The following MED25 variants were observed in gnomAD, a reference collection of about 807,000 sequenced individuals.
MED25 encodes the protein mediator of RNA polymerase II transcription subunit 25.
In MED25, 62 loss-of-function variants were observed where a neutral mutation model predicts 89.4. That is an observed-to-expected ratio of 0.69 (90% CI 0.57 to 0.86). MED25 has a LOEUF of 0.86. Among genes scored for constraint, MED25 ranks in the 40% least tolerant of loss-of-function variants. MED25 has a pLI of 0.00. For missense variants in MED25, 905 were observed against 1,005.2 expected (o/e 0.90, Z 1.35); for synonymous variants, 449 against 427.9 (o/e 1.05, Z -0.61).
chr19:49,836,412 G>C lies in MED25; in HGVS notation c.2146+6G>C. ...CCCTCGGGCTCCACTGCCAGGTAAGGGGACCCGGGGGAGGGCAGAGGTCTG... is the reference window on the plus strand; with the variant it reads ...CCCTCGGGCTCCACTGCCAGGTAAGCGGACCCGGGGGAGGGCAGAGGTCTG... On this transcript the variant is annotated splice_donor_region_variant and intron_variant, in intron 17 of 17. Transcript: ENST00000312865. This position sits in a 1 kb window ranked among gnomAD's most constrained non-coding sequence, Gnocchi z 5.1. 1 of 1,580,326 alleles carries C rather than the reference G, an allele frequency of 6.3e-7. No individual in the cohort carries two copies. Among genetic ancestry groups the C allele is most frequent in the South Asian group, 1.1e-5 (1 of 87,038 alleles).
In MED25 at chr19:49,819,218, G is replaced by A. The variant is rs145249948; in HGVS notation, c.227G>A (p.Cys76Tyr). The A allele has an allele frequency of 5.6e-6, 9 of 1,614,116 alleles. No individual in the cohort carries two copies. Among genetic ancestry groups the A allele is most frequent in the East Asian group, 2.2e-5 (1 of 44,900 alleles). The change falls in exon 3 of 18, where the codon TGC (cysteine) becomes TAC (tyrosine). Residue 76 changes from cysteine (C) to tyrosine (Y), a missense_variant. Cys to Tyr is a radical substitution (Grantham distance 194). Around this residue, in one of 3 missense-constraint regions of MED25, gnomAD observed 501 missense variants for 526.9 expected, o/e 0.95. Transcript: ENST00000312865. ...YSLVVFNTVD[C>Y]APESYVQCHA... ...CTCGTGGTGTTCAACACAGTGGACTGCGCTCCCGAGTCCTACGTACAATGT... is the reference window on the plus strand; with the variant it reads ...CTCGTGGTGTTCAACACAGTGGACTACGCTCCCGAGTCCTACGTACAATGT...
chr19:49,828,144 G>T (rs888086205), intron 3 of MED25, among the ~76,000 whole-genome samples: 2 of 151,876 alleles, frequency 1.3e-5, no homozygotes, highest in Admixed American at 6.6e-5. Context: ...CAGGAGAATG[G>T]CATGAACCCA....
Position 49,836,971 on chromosome 19 carries a change from T to C in MED25, c.*27T>C. ...TCCCCAACACCCAATAAAGTTCCTT[T>C]TTAACACACGCCCCGGCTCCCGTCA... On this transcript the variant is annotated 3_prime_UTR_variant, in exon 18 of 18. Transcript: ENST00000312865. The surrounding 1 kb of genome is among the most constrained non-coding windows in gnomAD (Gnocchi z 5.1). 6.4e-7 allele frequency: 1 copy of C among 1,568,012 alleles called. No individual in the cohort carries two copies. The highest frequency in any genetic ancestry group is 8.8e-7 in the Non-Finnish European group (1 of 1,142,506).
At chr19:49,819,053 G>T (rs1248353952) in intron 2 of MED25, 119 bp from the exon 3 acceptor site, 2 of 1,259,430 alleles carry the variant, frequency 1.6e-6, no homozygotes, top group Non-Finnish European at 2.3e-6. Context: ...GTCTGAGGAA[G>T]GAGGAAGCTG....
In MED25 at chr19:49,828,494, A is replaced by G. The variant is rs1028567280; in HGVS notation, c.351A>G (p.Gly117=). The G allele has an allele frequency of 4.3e-6, 7 of 1,613,994 alleles. No individual in the cohort carries two copies. The African/African-American group carries it at 9.3e-5, about 22-fold the overall frequency. Reference sequence around the variant, plus strand: ...AGAGCTGCAGCCTCATCGCGGAAGGACTCAGCACAGCCTTGCAGCTGTTTG... The same window carrying G: ...AGAGCTGCAGCCTCATCGCGGAAGGGCTCAGCACAGCCTTGCAGCTGTTTG... ...GGESCSLIAE[G]LSTALQLFDD... The change falls in exon 4 of 18, where the codon GGA becomes GGG. Residue 117 remains glycine (G), a synonymous_variant. Transcript: ENST00000312865.
chr19:49,832,416 G>A lies in MED25; in HGVS notation c.1482+1G>A. 1.3e-6 allele frequency: 2 copies of A among 1,556,642 alleles called. No homozygotes were observed. The highest frequency in any genetic ancestry group is 1.8e-6 in the Non-Finnish European group (2 of 1,130,280). On this transcript the variant is annotated splice_donor_variant, in intron 13 of 17. Transcript: ENST00000312865. LOFTEE classifies it high-confidence loss of function. ...CTACCGCATCATGGGCAACGGCTTC[G>A]TGAGTCCAGGGCATGGGGGGCCGAG...
At chr19:49,818,506 C>T in intron 1 of MED25, 31 bp downstream of exon 1, 1 of 1,614,226 alleles carries the variant, frequency 6.2e-7, no homozygotes, top group Non-Finnish European at 8.5e-7. Context: ...TCTAACCCCG[C>T]CCTCCCACTT....
rs1370424181 is a variant in MED25, at chr19:49,834,953, C to T, written c.1483-33C>T. ...GGGTCAGGGCTGCCTCTTTCAGGGC[C>T]TGAATGGTTCTGAAGAGCTGTTGTC... On this transcript the variant is annotated intron_variant, in intron 13 of 17. Coordinates refer to ENST00000312865, the MANE Select transcript of MED25 (RefSeq NM_030973.4). This position sits in a 1 kb window ranked among gnomAD's most constrained non-coding sequence, Gnocchi z 4.1. 1 of 1,612,398 alleles carries T rather than the reference C, an allele frequency of 6.2e-7. No homozygotes were observed. The highest frequency in any genetic ancestry group is 1.7e-5 in the Admixed American group (1 of 60,016).
intron 3 of MED25, among the ~76,000 whole-genome samples, chr19:49,821,292 T>A (rs2073979855): frequency 6.6e-6 from 1 of 152,190 alleles, no homozygotes; most frequent in Admixed American, 6.5e-5. Flanking sequence ...CAGGCCTCTC[T>A]TGTTTTTGAG....
Position 49,835,843 on chromosome 19 carries a change from T to C in MED25, c.1863T>C (p.Pro621=). ...AQPPPGAPQG[P]PGAASGPPPP... is the part of the protein sequence containing the mutation. ...CCCCGCCAGGTGCCCCTCAAGGCCC[T>C]CCTGGAGCAGCTTCTGGCCCACCCC... Residue 621 remains proline, a synonymous_variant, in exon 16 of 18, where the codon CCT becomes CCC. Transcript: ENST00000312865. This position sits in a 1 kb window ranked among gnomAD's most constrained non-coding sequence, Gnocchi z 6.2. The C allele has an allele frequency of 6.2e-7, 1 of 1,611,424 alleles. No individual in the cohort carries two copies. The highest frequency in any genetic ancestry group is 1.1e-5 in the South Asian group (1 of 91,036).
chr19:49,824,789 C>A (rs1017380753), intron 3 of MED25, among the ~76,000 whole-genome samples: 6 of 152,166 alleles, frequency 3.9e-5, no homozygotes, highest in African/African-American at 1.4e-4. Flanking sequence ...GCCTGGGTGA[C>A]AGGCCGTGTG....
rs751051121 is a variant in MED25 at position 49,835,280 on chromosome 19, A to G, written c.1674+103A>G. 3.9e-6 allele frequency: 5 copies of G among 1,277,218 alleles called. No individual in the cohort carries two copies. The highest frequency in any genetic ancestry group is 2.4e-5 in the South Asian group (2 of 83,784). The allele number at this position is 1,277,218 out of a possible 1,614,324, so 79.1% of individuals were successfully genotyped here. ...GACCAAGATGCCCACCCTTCTCCCA[A>G]TATGTGGTGCCTCCAAGCTAAGTCC... is the stretch of plus-strand genomic sequence containing the variant. On this transcript the variant is annotated intron_variant, in intron 14 of 17. Coordinates refer to ENST00000312865, the MANE Select transcript of MED25 (RefSeq NM_030973.4). The surrounding 1 kb of genome is among the most constrained non-coding windows in gnomAD (Gnocchi z 6.2).
rs754974988 is a variant in MED25 at position 49,829,786 on chromosome 19, C to CG, written c.531dup (p.Ile178AspfsTer19). On this transcript the variant is annotated frameshift_variant and splice_region_variant, in exon 6 of 18. Transcript: ENST00000312865. LOFTEE classifies it high-confidence loss of function. This position sits in a 1 kb window ranked among gnomAD's most constrained non-coding sequence, Gnocchi z 4.6. ...TGACTGCTCGGCCCCTCTCCTACAG[C>CG]GGGGGATCCACTTCTCCATTGTGTC... 2 of 1,588,402 alleles carry CG rather than the reference C, an allele frequency of 1.3e-6. No individual in the cohort carries two copies. The highest frequency in any genetic ancestry group is 1.1e-5 in the South Asian group (1 of 88,402).
rs1276591552 is a variant in MED25 at position 49,836,522 on chromosome 19, G to T, written c.2146+116G>T. The T allele has an allele frequency of 1.6e-6, 2 of 1,278,748 alleles. No individual in the cohort carries two copies. The highest frequency in any genetic ancestry group is 2.2e-6 in the Non-Finnish European group (2 of 899,188). The allele number at this position is 1,278,748 out of a possible 1,614,324, so 79.2% of individuals were successfully genotyped here. On this transcript the variant is annotated intron_variant, in intron 17 of 17. Transcript: ENST00000312865. This position sits in a 1 kb window ranked among gnomAD's most constrained non-coding sequence, Gnocchi z 5.1. ...AAAGACATAGGATCCAAGAATGAGGGTTCCCCCATGGCCTTTGCGGAGCTC... is the reference window on the plus strand; with the variant it reads ...AAAGACATAGGATCCAAGAATGAGGTTTCCCCCATGGCCTTTGCGGAGCTC...
At position 49,830,830 on chromosome 19, in the gene MED25, C is replaced by T. The variant is rs1292829714; in HGVS notation, c.1044C>T (p.Ser348=). The T allele has an allele frequency of 1.9e-6, 3 of 1,613,148 alleles. No individual in the cohort carries two copies. The African/African-American group carries it at 4.0e-5, about 22-fold the overall frequency. Residue 348 remains serine (S), a synonymous_variant, in exon 9 of 18, where the codon TCC becomes TCT. Coordinates refer to ENST00000312865, the MANE Select transcript of MED25 (RefSeq NM_030973.4). This position sits in a 1 kb window ranked among gnomAD's most constrained non-coding sequence, Gnocchi z 4.6. The stretch of plus-strand genomic sequence containing the variant: ...CTGCTTCCCAGCCCAGTCTGGTCTC[C>T]ACTGTGGCCCCTGGCTCCGGCCTGG... ...PPPASQPSLV[S]TVAPGSGLAP... is the part of the protein sequence containing the mutation.
rs2123889603 is a variant in MED25 at position 49,836,482 on chromosome 19, G to A, written c.2146+76G>A. On this transcript the variant is annotated intron_variant, in intron 17 of 17. Coordinates refer to ENST00000312865, the MANE Select transcript of MED25 (RefSeq NM_030973.4). The surrounding 1 kb of genome is among the most constrained non-coding windows in gnomAD (Gnocchi z 5.1). ...TCCTGGGCTAGAGCACCAAGACCGA[G>A]TGCTCCTGGGAAGTAAAGACATAGG... 4 of 1,498,658 alleles carry A rather than the reference G, an allele frequency of 2.7e-6. No homozygotes were observed. The highest frequency in any genetic ancestry group is 3.6e-6 in the Non-Finnish European group (4 of 1,099,714). 92.8% of individuals were successfully genotyped at this position (1,498,658 alleles called of 1,614,324 possible).
rs1292653321 is a variant in MED25 at position 49,835,419 on chromosome 19, C to A, written c.1675-115C>A. 1.8e-6 allele frequency: 2 copies of A among 1,140,760 alleles called. No individual in the cohort carries two copies. The highest frequency in any genetic ancestry group is 2.5e-6 in the Non-Finnish European group (2 of 803,740). The allele number at this position is 1,140,760 out of a possible 1,614,324, so 70.7% of individuals were successfully genotyped here. ...GGCATCCCTCCCAGACCACTCACCC[C>A]CAAAGAGAATGTCCCCATCTCCTTA... On this transcript the variant is annotated intron_variant, in intron 14 of 17. Transcript: ENST00000312865. This position sits in a 1 kb window ranked among gnomAD's most constrained non-coding sequence, Gnocchi z 6.2.
chr19:49,827,320 T>G (rs930765669), intron 3 of MED25, among the ~76,000 whole-genome samples: 3 of 152,182 alleles, frequency 2.0e-5, no homozygotes, highest in Non-Finnish European at 2.9e-5. Context: ...AGTCTGTGTG[T>G]GTTAGTTTCC....
chr19:49,836,887 C>G lies in MED25; in HGVS notation c.2187C>G (p.Pro729=), dbSNP rs1395459335. 1.2e-6 allele frequency: 2 copies of G among 1,612,622 alleles called. No homozygotes were observed. The highest frequency in any genetic ancestry group is 2.7e-5 in the African/African-American group (2 of 74,922). ...GCGGGGGTCCCCGGGGCCCGGTCCC[C>G]CAGCCGGGCCTGCAGCCCAGCGTCA... The part of the protein sequence containing the change: ...LLSGGPRGPV[P]QPGLQPSVME... Residue 729 remains proline (P), a synonymous_variant, in exon 18 of 18, where the codon CCC becomes CCG. Coordinates refer to ENST00000312865, the MANE Select transcript of MED25 (RefSeq NM_030973.4). The surrounding 1 kb of genome is among the most constrained non-coding windows in gnomAD (Gnocchi z 5.1).
Sources: gnomAD v4.1 joint callset for allele counts (sites outside exome capture counted in the v4.1 genomes callset) on GRCh38, gnomAD v4.1.1 for gene constraint, gnomAD v4.1.1 regional missense constraint, Gnocchi (gnomAD v3.1) non-coding constraint, MANE v1.5 for transcripts, NCBI Gene and HGNC (gene_info 2026-07-23, HGNC 2026-07-21) for gene names.